CCDC158: variants seen among roughly 807,000 people sequenced by gnomAD.
CCDC158 encodes coiled-coil domain-containing protein 158.
In CCDC158, 116 loss-of-function variants were observed where a neutral mutation model predicts 138.6. That is an observed-to-expected ratio of 0.84 (90% confidence interval 0.72 to 0.98). The LOEUF is 0.98. Ranked by LOEUF, CCDC158 falls within the 50% of genes least tolerant of loss-of-function variation. CCDC158 has a pLI of 0.00. For missense variants in CCDC158, 1,265 were observed against 1,306.1 expected (o/e 0.97, Z 0.48); for synonymous variants, 436 against 442.4 (o/e 0.99, Z 0.18).
chr4:76,373,922 G>A (rs963727041), intron 9 of CCDC158, among the ~76,000 whole-genome samples: 5 of 152,174 alleles, frequency 3.3e-5, no homozygotes, highest in African/African-American at 1.2e-4. Flanking sequence ...AGGAGACTGA[G>A]GTGGGAGGAT....
At chr4:76,382,120 T>C (rs1726314603) in intron 8 of CCDC158, among the ~76,000 whole-genome samples, 2 of 152,222 alleles carry the variant, frequency 1.3e-5, no homozygotes, top group African/African-American at 4.8e-5. Context: ...GCTTTTCCCG[T>C]GATAGCGAGT....
chr4:76,314,389 G>A (rs1004431765), intron 24 of CCDC158, among the ~76,000 whole-genome samples: 16 of 152,312 alleles, frequency 1.1e-4, no homozygotes, highest in Middle Eastern at 3.4e-3. Context: ...CAGGGCTAAC[G>A]TGCAGCTCCA....
At chr4:76,387,099 A>G (rs1726868178) in intron 4 of CCDC158, among the ~76,000 whole-genome samples, 1 of 152,182 alleles carries the variant, frequency 6.6e-6, no homozygotes, top group South Asian at 2.1e-4. Flanking sequence ...TGGTGTGGCT[A>G]AGAGAGTGCT....
chr4:76,346,940 C>T (rs541791411), intron 18 of CCDC158, among the ~76,000 whole-genome samples: 1 of 152,280 alleles, frequency 6.6e-6, no homozygotes, highest in South Asian at 2.1e-4. Context: ...CTCATCATCA[C>T]TGGTCATTAG....
At chr4:76,416,094 A>G (rs1359804458) in intron 1 of CCDC158, among the ~76,000 whole-genome samples, 1 of 152,164 alleles carries the variant, frequency 6.6e-6, no homozygotes, top group African/African-American at 2.4e-5. Flanking sequence ...TAGTGAAAGT[A>G]CTAGAAGTCT....
intron 1 of CCDC158, among the ~76,000 whole-genome samples, chr4:76,417,199 A>G (rs28841350): frequency 0.025 from 3,779 of 152,264 alleles, 148 homozygotes; most frequent in African/African-American, 0.086. Flanking sequence ...TTGGATTTGC[A>G]TGGGCCCTGT....
At chr4:76,315,239 C>T (rs1719264972) in intron 24 of CCDC158, among the ~76,000 whole-genome samples, 1 of 152,094 alleles carries the variant, frequency 6.6e-6, no homozygotes, top group Non-Finnish European at 1.5e-5. Flanking sequence ...ATCCTGCGTA[C>T]CCCACAGTGG....
At chr4:76,419,545 G>A (rs1336527501) in intron 1 of CCDC158, among the ~76,000 whole-genome samples, 1 of 152,200 alleles carries the variant, frequency 6.6e-6, no homozygotes, top group Non-Finnish European at 1.5e-5. Flanking sequence ...GGCTCTGCAA[G>A]AGAATCAGTT....
chr4:76,401,627 A>G (rs1728398381), intron 3 of CCDC158: 1 of 157,188 alleles, frequency 6.4e-6, no homozygotes, highest in South Asian at 1.9e-4. Flanking sequence ...GTTAAAAAAT[A>G]AAAGACAGGA....
At chr4:76,413,843 A>G (rs552103251) in intron 1 of CCDC158, among the ~76,000 whole-genome samples, 1 of 152,240 alleles carries the variant, frequency 6.6e-6, no homozygotes, top group African/African-American at 2.4e-5. Context: ...GCAAAGCCAG[A>G]TAGGAACAAT....
intron 12 of CCDC158, 103 bp from the exon 13 acceptor site, chr4:76,362,418 T>C (rs994669470): frequency 1.4e-6 from 1 of 714,342 alleles, no homozygotes; most frequent in Non-Finnish European, 2.2e-6. Flanking sequence ...GACAACAGTC[T>C]CCTACTTAAT....
In CCDC158 at chr4:76,331,356, T is replaced by G. The variant is rs780320632; in HGVS notation, c.2930A>C (p.Glu977Ala). Residue 977 changes from glutamate (E) to alanine (A), a missense_variant, in exon 21 of 25, where the codon GAA (glutamate) becomes GCA (alanine). Coordinates refer to ENST00000682701, the MANE Select transcript of CCDC158 (RefSeq NM_001394954.1). The stretch of plus-strand genomic sequence containing the variant: ...TGGTATTTCCTACCTACTAAGAGTT[T>G]CACTTGATTTGCTTCCTTCAGTGGA... ...RDSTEGSKSS[E>A]TLSREPVTLH... 15 of 1,613,906 alleles carry G rather than the reference T, an allele frequency of 9.3e-6. No individual in the cohort carries two copies. Among genetic ancestry groups the G allele is most frequent in the African/African-American group, 1.3e-5 (1 of 74,946 alleles).
intron 14 of CCDC158, among the ~76,000 whole-genome samples, chr4:76,355,783 TATATA>T (rs1211265495): frequency 1.6e-5 from 2 of 123,410 alleles, no homozygotes. Context: ...AAATATATAA[TATATA>T]ATATATGTAC....
At chr4:76,361,126 G>GTC (rs1484155434) in intron 13 of CCDC158, among the ~76,000 whole-genome samples, 2 of 151,960 alleles carry the variant, frequency 1.3e-5, no homozygotes, top group African/African-American at 2.4e-5. Flanking sequence ...CTCTCTCTCT[G>GTC]TCTCTCTCTC....
intron 3 of CCDC158, among the ~76,000 whole-genome samples, chr4:76,399,160 ATAAAG>A (rs1728104512): frequency 1.3e-5 from 2 of 152,188 alleles, no homozygotes; most frequent in Admixed American, 1.3e-4. Context: ...AGGTATAGAG[ATAAAG>A]CAAATATGAC....
At position 76,382,626 on chromosome 4, in the gene CCDC158, G is replaced by C. The variant is rs1226288198; in HGVS notation, c.898C>G (p.Gln300Glu). ...ACCACATACTGAATGATTTCCATTTGACTCTGGATACTATTGGCTTGGCTT... is the reference window on the plus strand; with the variant it reads ...ACCACATACTGAATGATTTCCATTTCACTCTGGATACTATTGGCTTGGCTT... ...ARSQANSIQS[Q>E]MEIIQEQARN... The change falls in exon 8 of 25, where the codon CAA becomes GAA. Residue 300 changes from glutamine to glutamate, a missense_variant. Coordinates refer to ENST00000682701, the MANE Select transcript of CCDC158 (RefSeq NM_001394954.1). The C allele has an allele frequency of 1.9e-6, 3 of 1,606,910 alleles. No individual in the cohort carries two copies. Among genetic ancestry groups the C allele is most frequent in the Non-Finnish European group, 2.6e-6 (3 of 1,174,090 alleles).
rs144823428 is a variant in CCDC158 at position 76,420,712 on chromosome 4, A to C, written c.-117+253T>G. On this transcript the variant is annotated intron_variant, in intron 1 of 24. Transcript: ENST00000682701. The stretch of plus-strand genomic sequence containing the variant: ...TCGGTGATTCTCTTCCCCACAAATC[A>C]AATCAGTTTGCGCAGGCCCCTGTGT... Among the ~76,000 whole-genome samples the C allele has an allele frequency of 1.8e-3, 277 of 152,262 alleles. 2 individuals carry two copies. The highest frequency in any genetic ancestry group is 6.4e-3 in the African/African-American group (264 of 41,564).
chr4:76,331,588 G>A (rs1464226059), intron 20 of CCDC158, among the ~76,000 whole-genome samples, 185 bp from the exon 21 acceptor site: 2 of 152,186 alleles, frequency 1.3e-5, no homozygotes, highest in Admixed American at 1.3e-4. Flanking sequence ...ATTACTTTTA[G>A]ATAGATATGG....
chr4:76,380,177 A>C (rs970937739), intron 8 of CCDC158, among the ~76,000 whole-genome samples: 4 of 152,216 alleles, frequency 2.6e-5, no homozygotes, highest in African/African-American at 9.7e-5. Context: ...GATATCTGAA[A>C]ATGTGAAAGT....
Sources: allele counts gnomAD v4.1 joint callset (sites outside exome capture counted in the v4.1 genomes callset), GRCh38; gene constraint gnomAD v4.1.1; transcripts MANE v1.5; gene names NCBI Gene and HGNC (gene_info 2026-07-23, HGNC 2026-07-21).